The following KCTD1 variants were observed in gnomAD, a reference collection of about 807,000 sequenced individuals.
KCTD1 encodes the protein BTB/POZ domain-containing protein KCTD1.
A neutral mutation model predicts 66.0 loss-of-function variants in KCTD1; 24 were observed. The observed-to-expected ratio is 0.36, with a 90% CI of 0.26 to 0.51. The LOEUF (loss-of-function observed/expected upper bound fraction) is 0.51. Among genes scored for constraint, KCTD1 ranks in the 20% least tolerant of loss-of-function variants. KCTD1 has a pLI of 0.95. For synonymous variants in KCTD1, 511 were observed against 517.2 expected, an observed-to-expected ratio of 0.99 and a Z score of 0.16; for missense variants, 943 against 1,205.2, an observed-to-expected ratio of 0.78 and a Z score of 3.22.
chr18:26,608,932 A>G (rs911670803), intron 1 of KCTD1, among the ~76,000 whole-genome samples: 1 of 152,206 alleles, frequency 6.6e-6, no homozygotes, highest in African/African-American at 2.4e-5. Context: ...TCAGACTGTA[A>G]ATACTAATTA....
Position 26,628,033 on chromosome 18 carries a change from T to C in KCTD1, c.-16+1114A>G, listed in dbSNP as rs1318122601. ...CCACCATGTGATCTGCCAGGAGTGG[T>C]GAAAATTATAACCTTCCCTGGGCTA... On this transcript the variant is annotated intron_variant, in intron 1 of 4. Transcript: ENST00000317932. 3.3e-5 allele frequency among the ~76,000 whole-genome samples: 5 copies of C among 152,202 alleles called. No individual in the cohort carries two copies. The East Asian group carries it at 9.6e-4, about 29-fold the overall frequency.
intron 1 of KCTD1, among the ~76,000 whole-genome samples, chr18:26,624,572 T>C (rs1427545949): frequency 6.6e-6 from 1 of 152,250 alleles, no homozygotes; most frequent in Non-Finnish European, 1.5e-5. Flanking sequence ...AGTCAAGAAC[T>C]GAGGTCTGGG....
chr18:26,550,355 A>G (rs942665063), upstream of KCTD1, among the ~76,000 whole-genome samples: 15 of 151,974 alleles, frequency 9.9e-5, no homozygotes, highest in African/African-American at 3.1e-4. This position sits in a 1 kb window ranked among gnomAD's most constrained non-coding sequence, Gnocchi z 5.4. Flanking sequence ...TTAAGAAAGA[A>G]TGAAAGACCA....
chr18:26,629,748 T>C (rs1393147392), upstream of KCTD1, among the ~76,000 whole-genome samples: 1 of 150,254 alleles, frequency 6.7e-6, no homozygotes. Flanking sequence ...GACAGAATCT[T>C]GCTCTGTTGC....
chr18:26,614,838 A>G lies in KCTD1; in HGVS notation c.-16+14309T>C, dbSNP rs118141458. Among the ~76,000 whole-genome samples, 1,210 of 152,352 alleles carry G rather than the reference A, an allele frequency of 7.9e-3. 6 individuals are homozygous for G. The highest frequency in any genetic ancestry group is 0.013 in the Non-Finnish European group (893 of 68,034). On this transcript the variant is annotated intron_variant, in intron 1 of 4. Transcript: ENST00000317932. ...ATCTTGTTCCCTTAAACATATGTACAGAGATACCTTTTCTCTTACCAGTTA... is the reference window on the plus strand; with the variant it reads ...ATCTTGTTCCCTTAAACATATGTACGGAGATACCTTTTCTCTTACCAGTTA...
chr18:26,498,854 T>A (rs1293097674), intron 2 of KCTD1, among the ~76,000 whole-genome samples: 1 of 152,152 alleles, frequency 6.6e-6, no homozygotes. Context: ...CTATTTGAAG[T>A]CTTTACCTCA....
intron 3 of KCTD1, among the ~76,000 whole-genome samples, chr18:26,467,910 G>C (rs7241214): frequency 5.3e-5 from 8 of 152,032 alleles, no homozygotes; most frequent in African/African-American, 1.9e-4. Context: ...CTGCCAGCAA[G>C]TTTGTCTATG....
chr18:26,637,108 G>A (rs1438512103), intron 1 of KCTD1, among the ~76,000 whole-genome samples: 2 of 152,146 alleles, frequency 1.3e-5, no homozygotes, highest in South Asian at 4.1e-4. Flanking sequence ...TACTGCTGAC[G>A]CTTCCAACAC....
chr18:26,590,250 AT>A (rs111469938), intron 1 of KCTD1, among the ~76,000 whole-genome samples: 329 of 138,694 alleles, frequency 2.4e-3, no homozygotes, highest in African/African-American at 6.0e-3. Flanking sequence ...CACCTGGCTC[AT>A]TTTTTTTTTT....
At chr18:26,525,677 ATACATT>A (rs1486967944) in intron 1 of KCTD1, among the ~76,000 whole-genome samples, 1 of 152,164 alleles carries the variant, frequency 6.6e-6, no homozygotes, top group Non-Finnish European at 1.5e-5. Flanking sequence ...TTTTCTGTAG[ATACATT>A]TACATTTACT....
chr18:26,540,501 A>C (rs778354479), intron 1 of KCTD1, among the ~76,000 whole-genome samples: 1 of 152,090 alleles, frequency 6.6e-6, no homozygotes, highest in Non-Finnish European at 1.5e-5. Context: ...AGTCACACCA[A>C]GTGTGCCTGC....
At chr18:26,546,594 G>T in intron 1 of KCTD1, 134 bp downstream of exon 1, 2 of 1,055,618 alleles carry the variant, frequency 1.9e-6, no homozygotes, top group Non-Finnish European at 2.6e-6. Context: ...AACTTCTAAG[G>T]GTGAAACGAA....
upstream of KCTD1, among the ~76,000 whole-genome samples, chr18:26,643,785 A>G (rs1598982013): frequency 6.6e-6 from 1 of 152,072 alleles, no homozygotes; most frequent in Non-Finnish European, 1.5e-5. Flanking sequence ...ACACGATGAA[A>G]CCCTGTCTCT....
chr18:26,550,571 C>CAG (rs1488248302), upstream of KCTD1, among the ~76,000 whole-genome samples: 15 of 129,826 alleles, frequency 1.2e-4, no homozygotes, highest in African/African-American at 4.6e-4. This position sits in a 1 kb window ranked among gnomAD's most constrained non-coding sequence, Gnocchi z 5.4. Flanking sequence ...CACAGACACA[C>CAG]ACACACACAC....
chr18:26,470,223 A>G (rs543023855), intron 3 of KCTD1, among the ~76,000 whole-genome samples: 6 of 151,972 alleles, frequency 3.9e-5, no homozygotes, highest in Admixed American at 6.6e-5. Flanking sequence ...CCCAACAGCT[A>G]TTTCAACCTC....
At chr18:26,574,328 G>A (rs1418851743) in intron 1 of KCTD1, among the ~76,000 whole-genome samples, 2 of 152,270 alleles carry the variant, frequency 1.3e-5, no homozygotes, top group Non-Finnish European at 2.9e-5. Context: ...TTAGCCCTCC[G>A]TGCATGTTGC....
rs575839437 is a variant in KCTD1, at chr18:26,513,336, T to C, written c.1810-12086A>G. Among the ~76,000 whole-genome samples the C allele has an allele frequency of 4.3e-3, 661 of 152,124 alleles. 6 individuals carry two copies. The highest frequency in any genetic ancestry group is 0.015 in the African/African-American group (631 of 41,510). On this transcript the variant is annotated intron_variant, in intron 1 of 4. Transcript: ENST00000580059. ...TCTCCTGACCTCGTGATCTGCCCACTTCGGCCTCCCAAAGTGCTGGGATTA... is the reference window on the plus strand; with the variant it reads ...TCTCCTGACCTCGTGATCTGCCCACCTCGGCCTCCCAAAGTGCTGGGATTA...
intron 1 of KCTD1, among the ~76,000 whole-genome samples, chr18:26,510,705 C>T (rs2144712759): frequency 6.6e-6 from 1 of 152,286 alleles, no homozygotes; most frequent in African/African-American, 2.4e-5. Context: ...AGAAAAATAA[C>T]ATCTGAATAG....
chr18:26,473,145 A>C (rs879833780), intron 3 of KCTD1, among the ~76,000 whole-genome samples: 1 of 152,214 alleles, frequency 6.6e-6, no homozygotes, highest in Non-Finnish European at 1.5e-5. Context: ...CCAAGAAAAA[A>C]CTGTATATAC....
Sources: allele counts gnomAD v4.1 joint callset (sites outside exome capture counted in the v4.1 genomes callset), GRCh38; gene constraint gnomAD v4.1.1; non-coding constraint Gnocchi (gnomAD v3.1); transcripts MANE v1.5; gene names NCBI Gene and HGNC (gene_info 2026-07-23, HGNC 2026-07-21).